IDO2: variants seen among roughly 807,000 people sequenced by gnomAD.
IDO2 encodes indoleamine 2,3-dioxygenase 2, also known as indoleamine 2,3-dioxygenase-like 1 protein.
A neutral mutation model predicts 45.1 loss-of-function variants in IDO2; 46 were observed. That is an observed-to-expected ratio of 1.02 (90% CI 0.80 to 1.30). The LOEUF (loss-of-function observed/expected upper bound fraction) is 1.30. Among genes scored for constraint, IDO2 ranks in the 50% most tolerant of loss-of-function variants. IDO2 has a pLI of 0.00. For synonymous variants in IDO2, 218 were observed against 184.9 expected (o/e 1.18, Z -1.45); for missense variants, 544 against 491.8 (o/e 1.11, Z -1.00).
intron 4 of IDO2, among the ~76,000 whole-genome samples, chr8:39,980,060 G>A (rs570827181): frequency 2.0e-5 from 3 of 152,226 alleles, no homozygotes; most frequent in South Asian, 4.1e-4. Flanking sequence ...CTGGCCTCAA[G>A]TGATCCTCCT....
At chr8:39,964,341 T>C (rs938305375) in intron 3 of IDO2, among the ~76,000 whole-genome samples, 2 of 152,234 alleles carry the variant, frequency 1.3e-5, no homozygotes, top group African/African-American at 4.8e-5. Context: ...TCCTTATTTA[T>C]AAAATGAGAG....
chr8:39,966,073 G>T (rs2729475), intron 3 of IDO2, among the ~76,000 whole-genome samples: 1 of 136,278 alleles, frequency 7.3e-6, no homozygotes, highest in Admixed American at 7.8e-5. Flanking sequence ...CTGTCTCCCA[G>T]GCTGGAATGC....
chr8:39,943,735 CAA>C lies in IDO2; in HGVS notation c.-17-5392_-17-5391del, dbSNP rs61643070. Reference sequence around the variant, plus strand: ...CCTGGGCGACAGCGAGACTCCATCTCAAAAAAAAAAAAAAAAAAAAAAAGGAA... The same window carrying C: ...CCTGGGCGACAGCGAGACTCCATCTCAAAAAAAAAAAAAAAAAAAAAGGAA... On this transcript the variant is annotated intron_variant, in intron 1 of 10. Transcript: ENST00000502986. Among the ~76,000 whole-genome samples, 706 of 89,120 alleles carry C rather than the reference CAA, an allele frequency of 7.9e-3. 4 individuals are homozygous for C. The highest frequency in any genetic ancestry group is 0.027 in the African/African-American group (620 of 23,280). The allele number at this position is 89,120 out of a possible 152,430, so 58.5% of individuals were successfully genotyped here.
exon 4 of IDO2, chr8:39,979,087 G>A (rs1166422890): frequency 6.3e-7 from 1 of 1,593,548 alleles, no homozygotes; most frequent in South Asian, 1.1e-5. Flanking sequence ...TGAGCTGCCA[G>A]TTCCTGAAGG....
intron 10 of IDO2, among the ~76,000 whole-genome samples, chr8:40,015,028 C>T (rs1445518890): frequency 6.6e-6 from 1 of 151,998 alleles, no homozygotes; most frequent in Non-Finnish European, 1.5e-5. Flanking sequence ...TGGTGGCGCA[C>T]ACCTGTAGTT....
intron 3 of IDO2, among the ~76,000 whole-genome samples, chr8:39,974,775 G>C (rs376867852): frequency 1.9e-4 from 29 of 152,316 alleles, no homozygotes; most frequent in East Asian, 1.4e-3. Flanking sequence ...ACAAAAATTA[G>C]CTGGGCGTGG....
rs1807527278 is a variant in IDO2 at position 39,935,217 on chromosome 8, T to G, written c.-19T>G. 1 of 1,612,798 alleles carries G rather than the reference T, an allele frequency of 6.2e-7. No homozygotes were observed. Reference sequence around the variant, plus strand: ...CAAGAATGTTGCATTTTCATTATTATGGTAAGTACACTGGTAACTTCTTTT... The same window carrying G: ...CAAGAATGTTGCATTTTCATTATTAGGGTAAGTACACTGGTAACTTCTTTT... On this transcript the variant is annotated splice_region_variant and 5_prime_UTR_variant, in exon 1 of 11. An upstream start codon of the reference 5' UTR is lost. Coordinates refer to ENST00000502986, the Ensembl canonical transcript of IDO2.
At chr8:39,941,902 C>G (rs1807648719) in intron 1 of IDO2, among the ~76,000 whole-genome samples, 1 of 151,786 alleles carries the variant, frequency 6.6e-6, no homozygotes, top group Non-Finnish European at 1.5e-5. Flanking sequence ...CAGAGCAACA[C>G]AGCAAAACCC....
At chr8:39,965,676 G>A (rs1211458926) in intron 3 of IDO2, among the ~76,000 whole-genome samples, 3 of 152,112 alleles carry the variant, frequency 2.0e-5, no homozygotes, top group Admixed American at 6.6e-5. Flanking sequence ...TATATGATGA[G>A]TGTCCTTATA....
At chr8:39,994,087 T>A (rs1308104491) in intron 8 of IDO2, among the ~76,000 whole-genome samples, 1 of 152,106 alleles carries the variant, frequency 6.6e-6, no homozygotes, top group Non-Finnish European at 1.5e-5. Flanking sequence ...ATAATATGAG[T>A]GCATTTTAAT....
At position 39,963,711 on chromosome 8, in the gene IDO2, T is replaced by A; in HGVS notation, c.195+8T>A. On this transcript the variant is annotated splice_region_variant and intron_variant, in intron 3 of 10. Coordinates refer to ENST00000502986, the Ensembl canonical transcript of IDO2. ...CAAGCTCATGTGGACAAGGTATTCT[T>A]CTCTTCACCCCCTCATCACATTCTG... 5 of 1,522,700 alleles carry A rather than the reference T, an allele frequency of 3.3e-6. No individual in the cohort carries two copies. Among genetic ancestry groups the A allele is most frequent in the Non-Finnish European group, 4.5e-6 (5 of 1,101,718 alleles). 94.3% of individuals were successfully genotyped at this position (1,522,700 alleles called of 1,614,324 possible).
intron 8 of IDO2, among the ~76,000 whole-genome samples, chr8:40,001,487 A>T (rs1802136882): frequency 6.6e-6 from 1 of 151,560 alleles, no homozygotes; most frequent in Non-Finnish European, 1.5e-5. Flanking sequence ...TGACTTTGTG[A>T]TCTGCCCACC....
chr8:39,937,013 A>G (rs894692356), intron 1 of IDO2, among the ~76,000 whole-genome samples: 5 of 152,258 alleles, frequency 3.3e-5, no homozygotes, highest in Non-Finnish European at 7.3e-5. Flanking sequence ...TGACTAGTTC[A>G]TCTTCCCTGC....
chr8:40,011,954 G>A (rs2001494), intron 9 of IDO2, among the ~76,000 whole-genome samples: 103,627 of 152,020 alleles, frequency 0.68, 35,756 homozygotes, highest in Non-Finnish European at 0.73. Context: ...TTTCTGTACC[G>A]CATCTCTTTT....
At chr8:39,970,790 CAG>C (rs1808166029) in intron 3 of IDO2, among the ~76,000 whole-genome samples, 1 of 117,438 alleles carries the variant, frequency 8.5e-6, no homozygotes, top group African/African-American at 3.5e-5. Context: ...TTTTTTGAGA[CAG>C]AGTCTCACTC....
At chr8:39,955,251 CTTTTT>C (rs34726763) in intron 2 of IDO2, among the ~76,000 whole-genome samples, 19 of 97,018 alleles carry the variant, frequency 2.0e-4, no homozygotes, top group African/African-American at 5.3e-4. Flanking sequence ...TAATATTTGC[CTTTTT>C]TTTTTTTTTT....
At position 39,969,091 on chromosome 8, in the gene IDO2, T is replaced by C. The variant is rs1008086153; in HGVS notation, c.195+5388T>C. 1.1e-4 allele frequency among the ~76,000 whole-genome samples: 17 copies of C among 152,300 alleles called. 1 individual carries two copies. Among genetic ancestry groups the C allele is most frequent in the South Asian group, 4.1e-4 (2 of 4,830 alleles). On this transcript the variant is annotated intron_variant, in intron 3 of 10. Transcript: ENST00000502986. The stretch of plus-strand genomic sequence containing the variant: ...CTCTAATTGGTAAATCAGTTTTTCA[T>C]GGGGTGCGGGTGAACAGTTGTGAAA...
chr8:39,951,032 C>CAAAAG (rs1807806816), intron 2 of IDO2, among the ~76,000 whole-genome samples: 1 of 150,926 alleles, frequency 6.6e-6, no homozygotes, highest in South Asian at 2.1e-4. Context: ...CGTCTCAAAA[C>CAAAAG]AAAACAAAAC....
intron 2 of IDO2, among the ~76,000 whole-genome samples, chr8:39,961,320 CT>C (rs57577433): frequency 0.36 from 37,740 of 105,286 alleles, 3,745 homozygotes; most frequent in Admixed American, 0.4. Context: ...TTGTATACTT[CT>C]TTTTTTTTTT....
Sources: gnomAD v4.1 joint callset for allele counts (sites outside exome capture counted in the v4.1 genomes callset) on GRCh38, gnomAD v4.1.1 for gene constraint, MANE v1.5 for transcripts, NCBI Gene and HGNC (gene_info 2026-07-23, HGNC 2026-07-21) for gene names.